GPHN: variants seen among roughly 807,000 people sequenced by gnomAD.
GPHN encodes the protein gephyrin.
Under a neutral mutation model 95.5 loss-of-function variants are expected in GPHN, and 17 were observed. That is an observed-to-expected ratio of 0.18 (90% CI 0.12 to 0.27). GPHN has a LOEUF of 0.27. Ranked by LOEUF, GPHN falls within the 10% of genes least tolerant of loss-of-function variation. The pLI, the probability that GPHN is intolerant of heterozygous loss-of-function variation, is 1.00. For missense variants in GPHN, 660 were observed against 978.1 expected (o/e 0.67, Z 4.34); for synonymous variants, 320 against 322.5 (o/e 0.99, Z 0.08).
chr14:67,330,142 AATAATAAT>A, the GPHN span, among the ~76,000 whole-genome samples: 111 of 143,316 alleles, frequency 7.7e-4, no homozygotes, highest in East Asian at 7.1e-3. Context: ...GGAAATAAAT[AATAATAAT>A]AATAATTATT....
Position 67,110,244 on chromosome 14 carries a change from C to T in GPHN, c.1398C>T (p.Ile466=). 1 of 1,613,606 alleles carries T rather than the reference C, an allele frequency of 6.2e-7. No individual in the cohort carries two copies. The highest frequency in any genetic ancestry group is 8.5e-7 in the Non-Finnish European group (1 of 1,179,598). ...AVVQVEDTEL[I]RESDDGTEEL... is the part of the protein sequence containing the mutation. ...TACAAGTGGAAGATACCGAACTTAT[C>T]AGGGAATCAGATGATGTACGTCATC... Residue 466 remains isoleucine, a synonymous_variant, in exon 14 of 23, where the codon ATC becomes ATT. Transcript: ENST00000478722.
chr14:66,965,112 G>C (rs999157135), intron 8 of GPHN, 79 bp from the exon 9 acceptor site: 1 of 1,221,758 alleles, frequency 8.2e-7, no homozygotes, highest in Non-Finnish European at 1.2e-6. Flanking sequence ...AGCAAAGAAT[G>C]CTAAAACAAA....
chr14:67,193,544 TATCTATATATAGATCTATATCTATATAG>T, the GPHN span, among the ~76,000 whole-genome samples: 1 of 141,894 alleles, frequency 7.0e-6, no homozygotes, highest in Non-Finnish European at 1.5e-5. Flanking sequence ...TAGAAATATA[TATCTATATATAGATCTATATCTATATAG>T]ATCTATATAT....
At chr14:66,584,295 G>A (rs553089353) in intron 1 of GPHN, among the ~76,000 whole-genome samples, 394 of 152,224 alleles carry the variant, frequency 2.6e-3, no homozygotes, top group African/African-American at 7.6e-3. Flanking sequence ...GGGCTGAGAC[G>A]ATGGGGTTTT....
the GPHN span, chr14:67,645,613 G>C: frequency 6.2e-7 from 1 of 1,600,464 alleles, no homozygotes; most frequent in Non-Finnish European, 8.5e-7. Context: ...CCAAGCAGAG[G>C]GCCTTCAAGA....
At chr14:67,082,737 T>C (rs2076741188) in intron 11 of GPHN, among the ~76,000 whole-genome samples, 1 of 152,180 alleles carries the variant, frequency 6.6e-6, no homozygotes, top group Non-Finnish European at 1.5e-5. Flanking sequence ...ATTAACAATA[T>C]GAACACAGGC....
At chr14:67,456,147 G>C in the GPHN span, among the ~76,000 whole-genome samples, 1 of 152,162 alleles carries the variant, frequency 6.6e-6, no homozygotes, top group Non-Finnish European at 1.5e-5. Flanking sequence ...CCCATGAAAA[G>C]TGGGCAAAAG....
At chr14:67,691,679 C>T in the GPHN span, 1 of 162,856 alleles carries the variant, frequency 6.1e-6, no homozygotes, top group Non-Finnish European at 1.3e-5. Context: ...AATTCTCTCT[C>T]ATGGTTCATT....
intron 20 of GPHN, among the ~76,000 whole-genome samples, chr14:67,168,549 A>G (rs1387370967): frequency 6.6e-6 from 1 of 152,232 alleles, no homozygotes; most frequent in Non-Finnish European, 1.5e-5. Flanking sequence ...TTGTAATACT[A>G]TAGTAATTTT....
At chr14:67,366,677 A>T in the GPHN span, among the ~76,000 whole-genome samples, 3 of 152,194 alleles carry the variant, frequency 2.0e-5, no homozygotes, top group East Asian at 3.9e-4. Context: ...TGTAGAGAGG[A>T]TTCATTTTGA....
the GPHN span, among the ~76,000 whole-genome samples, chr14:67,540,641 AT>A: frequency 6.6e-6 from 1 of 151,306 alleles, no homozygotes; most frequent in Admixed American, 6.6e-5. Flanking sequence ...AAAAAAAAAA[AT>A]TATCACCCTA....
the GPHN span, among the ~76,000 whole-genome samples, chr14:67,537,040 A>C: frequency 6.7e-6 from 1 of 148,276 alleles, no homozygotes; most frequent in Non-Finnish European, 1.5e-5. Flanking sequence ...ACTCCATCTC[A>C]ATAATAATAA....
At chr14:66,790,247 C>T (rs1441535809) in intron 3 of GPHN, among the ~76,000 whole-genome samples, 1 of 152,136 alleles carries the variant, frequency 6.6e-6, no homozygotes, top group African/African-American at 2.4e-5. Context: ...CTCCCAGGGG[C>T]TCAGTGAAAG....
intron 1 of GPHN, among the ~76,000 whole-genome samples, chr14:66,519,454 A>G (rs1202575174): frequency 6.6e-6 from 1 of 152,074 alleles, no homozygotes; most frequent in Admixed American, 6.5e-5. Flanking sequence ...CCCCTACTGT[A>G]TTTTAGAAAA....
At chr14:67,314,148 T>C in the GPHN span, among the ~76,000 whole-genome samples, 6 of 151,902 alleles carry the variant, frequency 3.9e-5, no homozygotes, top group African/African-American at 1.5e-4. Flanking sequence ...AGACTTAGCC[T>C]TACACTGGAT....
chr14:66,825,487 G>T (rs574531986), intron 4 of GPHN, among the ~76,000 whole-genome samples: 1 of 151,994 alleles, frequency 6.6e-6, no homozygotes, highest in Admixed American at 6.6e-5. Context: ...ATCAATCAGA[G>T]GACTTATTAA....
chr14:67,373,756 T>G, the GPHN span, among the ~76,000 whole-genome samples: 3 of 152,122 alleles, frequency 2.0e-5, no homozygotes. Flanking sequence ...AGGATTGTTG[T>G]GAGGGTTCAA....
intron 2 of GPHN, among the ~76,000 whole-genome samples, chr14:66,715,183 A>AT (rs1308890345): frequency 6.6e-6 from 1 of 151,772 alleles, no homozygotes; most frequent in African/African-American, 2.4e-5. Context: ...CAGGGTATGT[A>AT]TTTTTTCCTG....
chr14:66,779,052 A>G (rs2059508208), intron 3 of GPHN, among the ~76,000 whole-genome samples: 1 of 152,082 alleles, frequency 6.6e-6, no homozygotes, highest in Non-Finnish European at 1.5e-5. Context: ...CTCAAGGGAC[A>G]TTTTTGAAAA....
Sources: allele counts gnomAD v4.1 joint callset (sites outside exome capture counted in the v4.1 genomes callset), GRCh38; gene constraint gnomAD v4.1.1; transcripts MANE v1.5; gene names NCBI Gene and HGNC (gene_info 2026-07-23, HGNC 2026-07-21).